The following DEPTOR variants were observed in gnomAD, a reference collection of about 807,000 sequenced individuals.
DEPTOR encodes the protein DEP domain containing MTOR interacting protein.
DEPTOR carries 41 observed loss-of-function variants against 41.6 expected under a neutral mutation model. The observed-to-expected ratio is 0.98, with a 90% CI of 0.77 to 1.28. The LOEUF is 1.28. DEPTOR is among the 50% of genes most tolerant of loss of function. The pLI, the probability that DEPTOR is intolerant of heterozygous loss-of-function variation, is 0.00. For synonymous variants in DEPTOR, 195 were observed against 192.3 expected, an observed-to-expected ratio of 1.01 and a Z score of -0.12; for missense variants, 514 against 527.9, an observed-to-expected ratio of 0.97 and a Z score of 0.26.
chr8:119,988,081 C>T (rs117844629), intron 4 of DEPTOR, among the ~76,000 whole-genome samples: 6,863 of 152,260 alleles, frequency 0.045, 215 homozygotes, highest in South Asian at 0.14. Context: ...AAACCTCCTG[C>T]GGCTAGCTCA....
At chr8:119,986,744 C>T (rs1828835430) in intron 4 of DEPTOR, among the ~76,000 whole-genome samples, 1 of 151,802 alleles carries the variant, frequency 6.6e-6, no homozygotes, top group Non-Finnish European at 1.5e-5. Flanking sequence ...TCTTTTTTCT[C>T]TAATCTTGTC....
chr8:119,909,477 G>T (rs952001749), intron 1 of DEPTOR, among the ~76,000 whole-genome samples: 1 of 152,096 alleles, frequency 6.6e-6, no homozygotes, highest in African/African-American at 2.4e-5. Flanking sequence ...GCATCAGCAG[G>T]GTTTGAACAC....
intron 8 of DEPTOR, among the ~76,000 whole-genome samples, chr8:120,045,573 C>T (rs1813142648): frequency 6.6e-6 from 1 of 152,168 alleles, no homozygotes; most frequent in Non-Finnish European, 1.5e-5. Flanking sequence ...CAGAGTTTCG[C>T]CATGTTGCCT....
At chr8:119,880,005 G>A (rs184893299) in intron 1 of DEPTOR, among the ~76,000 whole-genome samples, 3,250 of 151,890 alleles carry the variant, frequency 0.021, 89 homozygotes, top group African/African-American at 0.064. Context: ...AGCTGGGCAC[G>A]GTGGCAGGCA....
chr8:120,032,653 A>G (rs1384922644), intron 8 of DEPTOR, among the ~76,000 whole-genome samples: 1 of 152,164 alleles, frequency 6.6e-6, no homozygotes, highest in Non-Finnish European at 1.5e-5. Context: ...TGGGGAGCAG[A>G]ACTGCATGTG....
At chr8:120,030,504 T>G (rs867465876) in intron 8 of DEPTOR, among the ~76,000 whole-genome samples, 2,024 of 111,970 alleles carry the variant, frequency 0.018, 64 homozygotes, top group African/African-American at 0.065. Context: ...TCAGTTTTTT[T>G]TTTTTTTTTT....
Position 119,925,473 on chromosome 8 carries a change from T to A in DEPTOR, c.123-2927T>A, listed in dbSNP as rs1024431803. ...CCCATCAGATCTTGAGATTTATTCATTACCACGCGAACAGTATGGGGAAAA... is the reference window on the plus strand; with the variant it reads ...CCCATCAGATCTTGAGATTTATTCAATACCACGCGAACAGTATGGGGAAAA... On this transcript the variant is annotated intron_variant, in intron 1 of 8. Transcript: ENST00000286234. Among the ~76,000 whole-genome samples, 9 of 152,212 alleles carry A rather than the reference T, an allele frequency of 5.9e-5. 1 individual carries two copies. The highest frequency in any genetic ancestry group is 5.2e-4 in the Admixed American group (8 of 15,278).
chr8:119,918,344 C>A (rs1165598483), intron 1 of DEPTOR, among the ~76,000 whole-genome samples: 1 of 152,152 alleles, frequency 6.6e-6, no homozygotes, highest in Non-Finnish European at 1.5e-5. Context: ...ATTAACTTGA[C>A]GTGAGTCCTG....
At chr8:120,026,379 A>T (rs1340071092) in intron 8 of DEPTOR, among the ~76,000 whole-genome samples, 1 of 147,396 alleles carries the variant, frequency 6.8e-6, no homozygotes, top group Non-Finnish European at 1.5e-5. Context: ...TTTTGCTCTT[A>T]TCACCCAGGC....
intron 3 of DEPTOR, among the ~76,000 whole-genome samples, chr8:119,941,405 A>G (rs1023634964): frequency 2.0e-5 from 3 of 151,294 alleles, no homozygotes; most frequent in Non-Finnish European, 2.9e-5. Context: ...AAAGGTTAGA[A>G]TGGTAAATTT....
At chr8:119,936,295 C>T (rs1183240470) in intron 3 of DEPTOR, among the ~76,000 whole-genome samples, 2 of 152,160 alleles carry the variant, frequency 1.3e-5, no homozygotes, top group Non-Finnish European at 1.5e-5. Flanking sequence ...GATCTTTCTC[C>T]TGTTCTCTCC....
At chr8:120,007,657 G>A (rs558440789) in intron 7 of DEPTOR, among the ~76,000 whole-genome samples, 3 of 152,106 alleles carry the variant, frequency 2.0e-5, no homozygotes, top group Non-Finnish European at 4.4e-5. Context: ...ATTGCCTCAG[G>A]CTGGGGGAGA....
intron 1 of DEPTOR, 140 bp downstream of exon 1, chr8:119,874,108 C>T: frequency 1.5e-6 from 2 of 1,375,016 alleles, no homozygotes; most frequent in Admixed American, 2.4e-5. Context: ...CGTGGATGGT[C>T]CTCGGTGCGC....
intron 1 of DEPTOR, among the ~76,000 whole-genome samples, chr8:119,884,161 G>A (rs1586597049): frequency 1.3e-5 from 2 of 152,264 alleles, no homozygotes; most frequent in East Asian, 1.9e-4. Context: ...AGGTTCAAGC[G>A]ATTCTCCTGC....
chr8:119,900,192 C>T (rs1827568154), intron 1 of DEPTOR, among the ~76,000 whole-genome samples: 1 of 151,240 alleles, frequency 6.6e-6, no homozygotes, highest in Non-Finnish European at 1.5e-5. Context: ...TGGTGGCGCA[C>T]ACCTGCAATC....
intron 1 of DEPTOR, among the ~76,000 whole-genome samples, chr8:119,918,098 G>A (rs969293725): frequency 2.6e-5 from 4 of 152,144 alleles, no homozygotes; most frequent in African/African-American, 9.7e-5. Context: ...TAAATACTAA[G>A]GGAACTCAGA....
chr8:120,000,674 G>A (rs1052712433), intron 4 of DEPTOR, among the ~76,000 whole-genome samples: 1 of 151,946 alleles, frequency 6.6e-6, no homozygotes, highest in Non-Finnish European at 1.5e-5. Flanking sequence ...TGTTGGCCAG[G>A]CTGGTGTCAA....
intron 1 of DEPTOR, among the ~76,000 whole-genome samples, chr8:119,914,717 G>A (rs1827790732): frequency 6.6e-6 from 1 of 152,228 alleles, no homozygotes; most frequent in Admixed American, 6.5e-5. Flanking sequence ...TGGGATGACA[G>A]GCGTGAGCTT....
chr8:119,923,893 C>CTTTTTTTTTTTTTTTTTTTTTTTTTT (rs769960283), intron 1 of DEPTOR, among the ~76,000 whole-genome samples: 17 of 104,968 alleles, frequency 1.6e-4, no homozygotes, highest in African/African-American at 3.7e-4. Flanking sequence ...TTTTTTCTTT[C>CTTTTTTTTTTTTTTTTTTTTTTTTTT]TTTTTTTTTT....
Sources: allele counts gnomAD v4.1 joint callset (sites outside exome capture counted in the v4.1 genomes callset), GRCh38; gene constraint gnomAD v4.1.1; transcripts MANE v1.5; gene names NCBI Gene and HGNC (gene_info 2026-07-23, HGNC 2026-07-21).